The following MICU1 variants were observed in gnomAD, a reference collection of about 807,000 sequenced individuals.
MICU1 encodes calcium uptake protein 1, mitochondrial.
Under a neutral mutation model 56.8 loss-of-function variants are expected in MICU1, and 45 were observed. The observed-to-expected ratio is 0.79, with a 90% CI of 0.62 to 1.02. The LOEUF (loss-of-function observed/expected upper bound fraction) is 1.02, where lower values mean the gene tolerates loss of function less well. MICU1 is among the 50% of genes least tolerant of loss of function. The pLI is 0.00. For synonymous variants in MICU1, 186 were observed against 195.1 expected, an observed-to-expected ratio of 0.95 and a Z score of 0.39; for missense variants, 504 against 587.1, an observed-to-expected ratio of 0.86 and a Z score of 1.46.
At chr10:72,499,786 G>A (rs894681755) in intron 6 of MICU1, among the ~76,000 whole-genome samples, 8 of 152,132 alleles carry the variant, frequency 5.3e-5, no homozygotes, top group African/African-American at 1.9e-4. Flanking sequence ...CACTCGACCT[G>A]AAAAACTTAT....
At position 72,593,706 on chromosome 10, in the gene MICU1, T is replaced by C. The variant is rs1001734925; in HGVS notation, c.-1-26912A>G. ...AGGATACAAAGTCAATATGCAAAAC[T>C]GAACTGCATTTCTATACACTAGTGA... is the stretch of plus-strand genomic sequence containing the variant. On this transcript the variant is annotated intron_variant, in intron 1 of 11. Transcript: ENST00000361114. Among the ~76,000 whole-genome samples the C allele has an allele frequency of 6.6e-5, 10 of 152,290 alleles. No homozygotes were observed. The South Asian group carries it at 1.9e-3, about 28-fold the overall frequency.
At chr10:72,473,203 G>T (rs1383617200) in intron 8 of MICU1, 1 of 151,990 alleles carries the variant, frequency 6.6e-6, no homozygotes, top group Non-Finnish European at 1.5e-5. Context: ...ATCTAAGAAA[G>T]ATTGATAAAA....
intron 1 of MICU1, among the ~76,000 whole-genome samples, chr10:72,607,531 G>A (rs1451182633): frequency 6.6e-6 from 1 of 151,266 alleles, no homozygotes; most frequent in Non-Finnish European, 1.5e-5. Flanking sequence ...CAGCTCCTCA[G>A]GAGGCTGAGG....
At chr10:72,483,332 G>T in intron 6 of MICU1, 1 of 162,254 alleles carries the variant, frequency 6.2e-6, no homozygotes, top group Non-Finnish European at 1.3e-5. Context: ...AGGGCATCTT[G>T]CTTGGCTGGC....
chr10:72,551,425 C>A, intron 3 of MICU1, 84 bp from the exon 4 acceptor site: 3 of 935,156 alleles, frequency 3.2e-6, no homozygotes, highest in Non-Finnish European at 4.4e-6. Context: ...CTCATCAATT[C>A]TCATATATTT....
intron 3 of MICU1, among the ~76,000 whole-genome samples, chr10:72,557,759 T>C (rs1034332057): frequency 6.6e-6 from 1 of 152,202 alleles, no homozygotes; most frequent in African/African-American, 2.4e-5. Context: ...CATACATATA[T>C]AGATGCATGC....
intron 10 of MICU1, among the ~76,000 whole-genome samples, chr10:72,382,683 C>T (rs1862755502): frequency 6.6e-6 from 1 of 152,024 alleles, no homozygotes; most frequent in Non-Finnish European, 1.5e-5. Context: ...CCAAGGCAGG[C>T]AGATCACCCG....
chr10:72,378,027 A>T (rs1489843873), intron 10 of MICU1, among the ~76,000 whole-genome samples: 2 of 152,186 alleles, frequency 1.3e-5, no homozygotes, highest in Non-Finnish European at 2.9e-5. Context: ...AGGCTGATGG[A>T]TCACCTGAGG....
intron 6 of MICU1, among the ~76,000 whole-genome samples, chr10:72,507,089 C>A (rs1434487993): frequency 6.6e-6 from 1 of 151,402 alleles, no homozygotes; most frequent in Non-Finnish European, 1.5e-5. Flanking sequence ...CTTCTAGTAG[C>A]TTTATGTTTA....
intron 1 of MICU1, among the ~76,000 whole-genome samples, chr10:72,609,356 C>T (rs1049934457): frequency 1.3e-5 from 2 of 152,168 alleles, no homozygotes; most frequent in Admixed American, 6.6e-5. Flanking sequence ...AAAAAGTGGT[C>T]ATGCCAGGCA....
At chr10:72,525,347 T>C (rs1369062211) in intron 5 of MICU1, among the ~76,000 whole-genome samples, 1 of 152,200 alleles carries the variant, frequency 6.6e-6, no homozygotes, top group Non-Finnish European at 1.5e-5. Flanking sequence ...CCACACTGAA[T>C]AGCATTGTAA....
intron 8 of MICU1, among the ~76,000 whole-genome samples, chr10:72,424,122 C>CCT (rs1554866038): frequency 1.3e-5 from 2 of 150,302 alleles, no homozygotes; most frequent in African/African-American, 4.9e-5. Flanking sequence ...TCCCCCCCAC[C>CCT]TTTTTTTTTA....
chr10:72,477,377 T>A, intron 6 of MICU1, 121 bp from the exon 7 acceptor site: 1 of 1,158,726 alleles, frequency 8.6e-7, no homozygotes, highest in Non-Finnish European at 1.2e-6. Flanking sequence ...AGTGACTGAG[T>A]CAAAGTCTCA....
intron 8 of MICU1, among the ~76,000 whole-genome samples, chr10:72,444,378 TAAG>T (rs998445533): frequency 2.0e-5 from 3 of 148,706 alleles, no homozygotes; most frequent in Non-Finnish European, 3.0e-5. Context: ...ATAATAATAA[TAAG>T]AAGAAAAAAA....
At chr10:72,521,024 A>G (rs919721821) in intron 5 of MICU1, among the ~76,000 whole-genome samples, 10 of 152,148 alleles carry the variant, frequency 6.6e-5, no homozygotes, top group African/African-American at 2.4e-4. Context: ...AAATGGATCA[A>G]TGCTAAAAAG....
At chr10:72,568,472 G>T (rs925135929) in intron 1 of MICU1, among the ~76,000 whole-genome samples, 1 of 152,084 alleles carries the variant, frequency 6.6e-6, no homozygotes, top group Non-Finnish European at 1.5e-5. Flanking sequence ...AGGAGGTGCT[G>T]CTGTTAGTTT....
chr10:72,409,879 G>A (rs907978615), intron 9 of MICU1, among the ~76,000 whole-genome samples: 6 of 152,062 alleles, frequency 3.9e-5, no homozygotes, highest in African/African-American at 1.2e-4. Context: ...CCTTCATTTA[G>A]GTCAAGGAAC....
chr10:72,507,826 C>A (rs1201149993), intron 6 of MICU1, among the ~76,000 whole-genome samples: 1 of 152,144 alleles, frequency 6.6e-6, no homozygotes, highest in Non-Finnish European at 1.5e-5. Flanking sequence ...CCATGTTGCC[C>A]AGGCTGGTCT....
At chr10:72,581,745 G>A (rs557158008) in intron 1 of MICU1, among the ~76,000 whole-genome samples, 1 of 152,270 alleles carries the variant, frequency 6.6e-6, no homozygotes, top group South Asian at 2.1e-4. Flanking sequence ...CCATTGACCA[G>A]TAAAAGCCTT....
Sources: gnomAD v4.1 joint callset for allele counts (sites outside exome capture counted in the v4.1 genomes callset) on GRCh38, gnomAD v4.1.1 for gene constraint, MANE v1.5 for transcripts, NCBI Gene and HGNC (gene_info 2026-07-23, HGNC 2026-07-21) for gene names.